PUM1: variants seen among roughly 807,000 people sequenced by gnomAD.
PUM1 encodes pumilio homolog 1.
PUM1 carries 13 observed loss-of-function variants against 131.8 expected under a neutral mutation model. The ratio of observed to expected loss-of-function variants is 0.10; its 90% CI spans 0.06 to 0.16. PUM1 has a LOEUF of 0.16. Among genes scored for constraint, PUM1 ranks in the 10% least tolerant of loss-of-function variants. The pLI, the probability that PUM1 is intolerant of heterozygous loss-of-function variation, is 1.00. For missense variants in PUM1, 961 were observed against 1,512.4 expected, an observed-to-expected ratio of 0.64 and a Z score of 6.05; for synonymous variants, 509 against 556.5, an observed-to-expected ratio of 0.91 and a Z score of 1.20.
intron 2 of PUM1, among the ~76,000 whole-genome samples, chr1:31,056,288 T>C (rs1473248646): frequency 6.6e-6 from 1 of 150,658 alleles, no homozygotes; most frequent in Non-Finnish European, 1.5e-5. Flanking sequence ...CTTTCTTTTT[T>C]CTTTTTTTGG....
chr1:30,980,630 T>A (rs1346639289), intron 8 of PUM1, among the ~76,000 whole-genome samples: 7 of 152,164 alleles, frequency 4.6e-5, no homozygotes, highest in Non-Finnish European at 8.8e-5. Context: ...CTTTATTTAT[T>A]TAGGTTGGAA....
At chr1:30,961,471 C>T (rs1349938126) in intron 14 of PUM1, among the ~76,000 whole-genome samples, 1 of 151,910 alleles carries the variant, frequency 6.6e-6, no homozygotes, top group Non-Finnish European at 1.5e-5. Context: ...TTACAGTGAG[C>T]TATGATAGCA....
chr1:30,959,415 A>T (rs1472119230), intron 14 of PUM1, among the ~76,000 whole-genome samples: 2 of 152,218 alleles, frequency 1.3e-5, no homozygotes, highest in Non-Finnish European at 2.9e-5. Context: ...TAAGATGTAT[A>T]TCTGGAATGC....
intron 3 of PUM1, among the ~76,000 whole-genome samples, chr1:31,019,243 T>C (rs949029518): frequency 3.9e-5 from 6 of 152,140 alleles, no homozygotes; most frequent in African/African-American, 7.2e-5. Flanking sequence ...TCCCAGTTAC[T>C]TGGGAGGCTG....
chr1:30,938,956 T>C (rs370654568), intron 20 of PUM1, among the ~76,000 whole-genome samples: 61 of 151,576 alleles, frequency 4.0e-4, no homozygotes, highest in East Asian at 1.6e-3. Context: ...GATAGACAGA[T>C]AGACAGATAC....
At chr1:30,968,162 A>G (rs1360206751) in intron 11 of PUM1, 192 bp downstream of exon 11, 1 of 811,338 alleles carries the variant, frequency 1.2e-6, no homozygotes, top group South Asian at 1.3e-5. Flanking sequence ...ATATGACTTA[A>G]GACTGGCTCA....
At chr1:30,934,097 C>CT in intron 21 of PUM1, among the ~76,000 whole-genome samples, 1 of 152,302 alleles carries the variant, frequency 6.6e-6, no homozygotes, top group East Asian at 1.9e-4. Flanking sequence ...GACCTATGCT[C>CT]TGAGTCACTT....
chr1:31,055,633 G>A (rs1644219542), intron 2 of PUM1, among the ~76,000 whole-genome samples: 1 of 152,130 alleles, frequency 6.6e-6, no homozygotes, highest in African/African-American at 2.4e-5. Flanking sequence ...CACCTGAGTG[G>A]GAAACAGGTT....
chr1:31,025,640 C>T (rs1288186007), intron 3 of PUM1, among the ~76,000 whole-genome samples: 1 of 147,558 alleles, frequency 6.8e-6, no homozygotes, highest in African/African-American at 2.5e-5. Context: ...AGTACAACCT[C>T]CACCACCTGG....
intron 3 of PUM1, among the ~76,000 whole-genome samples, chr1:31,015,785 T>C (rs1642795392): frequency 6.6e-6 from 1 of 151,800 alleles, no homozygotes; most frequent in African/African-American, 2.4e-5. Context: ...GCATTTCTCC[T>C]GCCTCAGCCT....
intron 15 of PUM1, 123 bp downstream of exon 15, chr1:30,953,588 AAAC>A (rs1321669461): frequency 9.7e-7 from 1 of 1,026,346 alleles, no homozygotes; most frequent in African/African-American, 1.6e-5. Context: ...AATGTGATGC[AAAC>A]TAAGAGGCAC....
chr1:31,048,898 C>T (rs975032872), intron 2 of PUM1, among the ~76,000 whole-genome samples: 1 of 152,212 alleles, frequency 6.6e-6, no homozygotes, highest in East Asian at 1.9e-4. Flanking sequence ...TACAATTTTA[C>T]TAATTTCACA....
chr1:30,993,388 A>T (rs1217474680), intron 6 of PUM1, among the ~76,000 whole-genome samples: 1 of 151,706 alleles, frequency 6.6e-6, no homozygotes, highest in Non-Finnish European at 1.5e-5. Flanking sequence ...TTATTGTAGG[A>T]CACAAGGTTC....
At chr1:30,943,225 G>A (rs934164914) in intron 18 of PUM1, among the ~76,000 whole-genome samples, 13 of 151,922 alleles carry the variant, frequency 8.6e-5, no homozygotes, top group African/African-American at 3.1e-4. Context: ...ACAATACTGT[G>A]AGTTTCTGTA....
At chr1:30,976,820 T>A (rs1310973690) in intron 9 of PUM1, among the ~76,000 whole-genome samples, 5 of 151,158 alleles carry the variant, frequency 3.3e-5, no homozygotes, top group African/African-American at 1.2e-4. Context: ...CTAAAAGCCA[T>A]GTATTCAAGT....
rs376469912 is a variant in PUM1 at position 30,995,265 on chromosome 1, T to C, written c.721-45A>G. On this transcript the variant is annotated intron_variant, in intron 5 of 21. Coordinates refer to ENST00000426105, the MANE Select transcript of PUM1 (RefSeq NM_001020658.2). ...AGCTTCACTAATCGTCATCAACTAA[T>C]AATAACGGGCAACCGTTGTGGGCAC... 4.0e-4 allele frequency: 638 copies of C among 1,606,680 alleles called. 4 individuals are homozygous for C. The highest frequency in any genetic ancestry group is 3.4e-3 in the South Asian group (311 of 90,320).
intron 5 of PUM1, among the ~76,000 whole-genome samples, chr1:30,995,784 G>A (rs1467907187): frequency 6.6e-6 from 1 of 152,164 alleles, no homozygotes; most frequent in African/African-American, 2.4e-5. Flanking sequence ...TATATGCCCT[G>A]TCAATTTGCA....
At chr1:30,939,085 C>T (rs1639340702) in intron 20 of PUM1, among the ~76,000 whole-genome samples, 1 of 152,142 alleles carries the variant, frequency 6.6e-6, no homozygotes, top group African/African-American at 2.4e-5. Flanking sequence ...TTACTAATTC[C>T]AATAACTGGG....
chr1:31,012,923 T>A (rs1642675999), intron 3 of PUM1, among the ~76,000 whole-genome samples: 1 of 152,236 alleles, frequency 6.6e-6, no homozygotes, highest in African/African-American at 2.4e-5. Flanking sequence ...GTGTGAATTT[T>A]ATCCTCTTCT....
Sources: allele counts gnomAD v4.1 joint callset (sites outside exome capture counted in the v4.1 genomes callset), GRCh38; gene constraint gnomAD v4.1.1; transcripts MANE v1.5; gene names NCBI Gene and HGNC (gene_info 2026-07-23, HGNC 2026-07-21).